Variants in RBMS1 observed in about 807,000 individuals in gnomAD.
RBMS1 encodes the protein RNA-binding motif, single-stranded-interacting protein 1.
RBMS1 carries 17 observed loss-of-function variants against 62.3 expected under a neutral mutation model. That is an observed-to-expected ratio of 0.27 (90% CI 0.19 to 0.41). The LOEUF is 0.41. Among genes scored for constraint, RBMS1 ranks in the 10% least tolerant of loss-of-function variants. The pLI is 1.00. For missense variants in RBMS1, 334 were observed against 504.5 expected (o/e 0.66, Z 3.24); for synonymous variants, 172 against 170.0 (o/e 1.01, Z -0.09).
chr2:160,416,779 T>C (rs115843650), intron 1 of RBMS1, among the ~76,000 whole-genome samples: 1 of 152,314 alleles, frequency 6.6e-6, no homozygotes, highest in African/African-American at 2.4e-5. Flanking sequence ...ATTGAATGAA[T>C]GCTACTGTCT....
intron 2 of RBMS1, among the ~76,000 whole-genome samples, chr2:160,341,338 C>T (rs1691863176): frequency 1.3e-5 from 2 of 152,136 alleles, no homozygotes. Context: ...CTACCATCTT[C>T]AGTCCCATAA....
intron 2 of RBMS1, among the ~76,000 whole-genome samples, chr2:160,366,458 T>C (rs1016663913): frequency 6.6e-6 from 1 of 152,210 alleles, no homozygotes; most frequent in African/African-American, 2.4e-5. Flanking sequence ...TGTGTAGGCT[T>C]TTCTAGCTCG....
chr2:160,365,382 C>T (rs1222800147), intron 2 of RBMS1, among the ~76,000 whole-genome samples: 1 of 152,140 alleles, frequency 6.6e-6, no homozygotes, highest in Non-Finnish European at 1.5e-5. Flanking sequence ...AGCGTTATTG[C>T]TGCTATTGAT....
chr2:160,469,844 A>G (rs1400772440), intron 1 of RBMS1, among the ~76,000 whole-genome samples: 1 of 152,200 alleles, frequency 6.6e-6, no homozygotes, highest in Non-Finnish European at 1.5e-5. Flanking sequence ...CGAAAAGTTG[A>G]CCTCGTAATG....
At position 160,344,830 on chromosome 2, in the gene RBMS1, T is replaced by C. The variant is rs145353011; in HGVS notation, c.251+22386A>G. Among the ~76,000 whole-genome samples, 423 of 152,250 alleles carry C rather than the reference T, an allele frequency of 2.8e-3. 1 individual carries two copies. The highest frequency in any genetic ancestry group is 4.8e-3 in the Non-Finnish European group (324 of 68,000). On this transcript the variant is annotated intron_variant, in intron 2 of 13. Transcript: ENST00000348849. ...ACCATTTAGCACAGTGCTGGACACATAGTAGATGCCCAATAAAAGCTTATT... is the reference window on the plus strand; with the variant it reads ...ACCATTTAGCACAGTGCTGGACACACAGTAGATGCCCAATAAAAGCTTATT...
intron 1 of RBMS1, among the ~76,000 whole-genome samples, chr2:160,400,592 T>C (rs1047693193): frequency 3.9e-5 from 6 of 152,128 alleles, no homozygotes; most frequent in African/African-American, 1.4e-4. Flanking sequence ...ATTTAGAATA[T>C]TTAGAACAGC....
At chr2:160,458,668 A>G (rs965894738) in intron 1 of RBMS1, among the ~76,000 whole-genome samples, 1 of 152,154 alleles carries the variant, frequency 6.6e-6, no homozygotes, top group Non-Finnish European at 1.5e-5. Flanking sequence ...GTGGTGGCGC[A>G]TGCCAATAAT....
intron 1 of RBMS1, among the ~76,000 whole-genome samples, chr2:160,376,855 C>CTTACTTTA (rs1398807263): frequency 6.6e-6 from 1 of 152,098 alleles, no homozygotes; most frequent in African/African-American, 2.4e-5. Flanking sequence ...GAGACTGGAT[C>CTTACTTTA]TTACTTTATT....
chr2:160,301,719 A>G (rs1370453698), intron 5 of RBMS1, among the ~76,000 whole-genome samples: 2 of 152,262 alleles, frequency 1.3e-5, no homozygotes, highest in Non-Finnish European at 2.9e-5. Flanking sequence ...GGCCTGACAG[A>G]AACAGCAATG....
chr2:160,380,529 A>G (rs572027213), intron 1 of RBMS1, among the ~76,000 whole-genome samples: 4 of 152,350 alleles, frequency 2.6e-5, no homozygotes, highest in African/African-American at 9.6e-5. Flanking sequence ...AAAATGCAGG[A>G]AGAGGATACA....
intron 10 of RBMS1, among the ~76,000 whole-genome samples, chr2:160,281,050 C>A (rs959453684): frequency 2.6e-4 from 40 of 152,060 alleles, no homozygotes; most frequent in African/African-American, 9.2e-4. Context: ...TGAATGATCT[C>A]TAAAGAGCTG....
intron 9 of RBMS1, chr2:160,283,104 TTTATA>T (rs754562169): frequency 9.2e-5 from 14 of 152,360 alleles, no homozygotes; most frequent in East Asian, 1.9e-4. Flanking sequence ...GCACACTGGT[TTTATA>T]TTATAAGAGG....
chr2:160,428,301 A>G (rs1682733760), intron 1 of RBMS1, among the ~76,000 whole-genome samples: 1 of 152,164 alleles, frequency 6.6e-6, no homozygotes, highest in Non-Finnish European at 1.5e-5. Flanking sequence ...AAAACACCGG[A>G]TGTAATCGAG....
chr2:160,478,165 A>G (rs916805859), intron 1 of RBMS1, among the ~76,000 whole-genome samples: 6 of 152,234 alleles, frequency 3.9e-5, no homozygotes, highest in Non-Finnish European at 8.8e-5. Flanking sequence ...AATGGTACAC[A>G]TACAACTTAG....
intron 1 of RBMS1, chr2:160,492,894 G>A: frequency 5.6e-6 from 1 of 180,176 alleles, no homozygotes; most frequent in Middle Eastern, 2.3e-3. Context: ...TACAGGGCGA[G>A]GCCCTTGGAG....
intron 1 of RBMS1, among the ~76,000 whole-genome samples, chr2:160,412,111 A>T (rs1057019699): frequency 5.9e-5 from 9 of 152,232 alleles, no homozygotes; most frequent in Admixed American, 1.3e-4. Flanking sequence ...GATCACTCTC[A>T]TAAGCCAGGA....
intron 1 of RBMS1, among the ~76,000 whole-genome samples, chr2:160,372,322 C>CCA (rs1693768408): frequency 6.6e-6 from 1 of 152,062 alleles, no homozygotes; most frequent in African/African-American, 2.4e-5. Flanking sequence ...GTTATCATTC[C>CCA]CACCCCTGTT....
At chr2:160,396,520 C>A (rs1000005547) in intron 1 of RBMS1, among the ~76,000 whole-genome samples, 14 of 149,788 alleles carry the variant, frequency 9.3e-5, no homozygotes, top group Non-Finnish European at 1.9e-4. Context: ...GCCTGTTTCA[C>A]CTCTCTCTCC....
intron 1 of RBMS1, among the ~76,000 whole-genome samples, chr2:160,476,433 A>G (rs1685130703): frequency 6.6e-6 from 1 of 152,122 alleles, no homozygotes. Context: ...TCTGTGCCTC[A>G]TATTCCTCTT....
Sources: allele counts gnomAD v4.1 joint callset (sites outside exome capture counted in the v4.1 genomes callset), GRCh38; gene constraint gnomAD v4.1.1; transcripts MANE v1.5; gene names NCBI Gene and HGNC (gene_info 2026-07-23, HGNC 2026-07-21).